Variants in BMP7 observed in about 807,000 individuals in gnomAD.
The protein encoded by BMP7 is osteogenic protein 1.
In BMP7, 12 loss-of-function variants were observed where a neutral mutation model predicts 41.2. The observed-to-expected ratio is 0.29, with a 90% CI of 0.19 to 0.47. BMP7 has a LOEUF of 0.47. Among genes scored for constraint, BMP7 ranks in the 20% least tolerant of loss-of-function variants. BMP7 has a pLI of 0.99. For missense variants in BMP7, 467 were observed against 606.0 expected (o/e 0.77, Z 2.41); for synonymous variants, 248 against 250.0 (o/e 0.99, Z 0.07).
At position 57,213,922 on chromosome 20, in the gene BMP7, G is replaced by A. The variant is rs866921768; in HGVS notation, c.612-11299C>T. Among the ~76,000 whole-genome samples, 3 of 152,214 alleles carry A rather than the reference G, an allele frequency of 2.0e-5. No homozygotes were observed. Among genetic ancestry groups the A allele is most frequent in the Non-Finnish European group, 2.9e-5 (2 of 68,038 alleles). ...GGAAAGATATGCTCAAGATGCCAGCGCAAAGCCAGAGACTCAAGGTTCGCA... is the reference window on the plus strand; with the variant it reads ...GGAAAGATATGCTCAAGATGCCAGCACAAAGCCAGAGACTCAAGGTTCGCA... On this transcript the variant is annotated intron_variant, in intron 2 of 6. Coordinates refer to ENST00000395863, the MANE Select transcript of BMP7 (RefSeq NM_001719.3). This position sits in a 1 kb window ranked among gnomAD's most constrained non-coding sequence, Gnocchi z 4.4.
intron 1 of BMP7, among the ~76,000 whole-genome samples, chr20:57,257,778 A>T (rs1217609220): frequency 1.5e-4 from 23 of 151,898 alleles, no homozygotes; most frequent in Non-Finnish European, 2.5e-4. Context: ...CTGTCTGAAA[A>T]AAAACAGGAA....
In BMP7 at chr20:57,259,997, T is replaced by A. The variant is rs766576324; in HGVS notation, c.418+5708A>T. On this transcript the variant is annotated intron_variant, in intron 1 of 6. Transcript: ENST00000395863. The surrounding 1 kb of genome is among the most constrained non-coding windows in gnomAD (Gnocchi z 4.7). Reference sequence around the variant, plus strand: ...AATCCCAGCTTGAACACACAGCTAATACCAAACGGCTCACTAATAGCCGCG... The same window carrying A: ...AATCCCAGCTTGAACACACAGCTAAAACCAAACGGCTCACTAATAGCCGCG... Among the ~76,000 whole-genome samples, 32 of 152,146 alleles carry A rather than the reference T, an allele frequency of 2.1e-4. No homozygotes were observed. Among genetic ancestry groups the A allele is most frequent in the Non-Finnish European group, 4.0e-4 (27 of 68,026 alleles).
At chr20:57,177,767 G>A (rs1456201232) in intron 4 of BMP7, 2 of 152,174 alleles carry the variant, frequency 1.3e-5, no homozygotes, top group Admixed American at 6.5e-5. Flanking sequence ...TGAGACTTTC[G>A]GTGAAGTGAA....
intron 3 of BMP7, among the ~76,000 whole-genome samples, chr20:57,194,892 G>A (rs1213523928): frequency 6.6e-6 from 1 of 152,218 alleles, no homozygotes; most frequent in African/African-American, 2.4e-5. Context: ...CTGCCAATGA[G>A]TCCAGGCGAT....
intron 2 of BMP7, among the ~76,000 whole-genome samples, chr20:57,218,858 G>T (rs1408387111): frequency 6.6e-6 from 1 of 150,742 alleles, no homozygotes; most frequent in Non-Finnish European, 1.5e-5. Context: ...TGTGTTTGCT[G>T]GTAGCTGGTG....
intron 2 of BMP7, among the ~76,000 whole-genome samples, chr20:57,210,103 G>A (rs1302562898): frequency 2.0e-5 from 3 of 152,160 alleles, no homozygotes; most frequent in African/African-American, 7.2e-5. Flanking sequence ...GAAACAGCAA[G>A]ACCCCAAAAG....
At chr20:57,226,669 A>T (rs901895725) in intron 2 of BMP7, among the ~76,000 whole-genome samples, 1 of 152,174 alleles carries the variant, frequency 6.6e-6, no homozygotes, top group African/African-American at 2.4e-5. Context: ...TCCACAGGTG[A>T]AAACAGCAAC....
intron 2 of BMP7, among the ~76,000 whole-genome samples, chr20:57,221,612 A>G (rs1231926917): frequency 6.6e-6 from 1 of 152,116 alleles, no homozygotes; most frequent in Non-Finnish European, 1.5e-5. Flanking sequence ...CAAGAGTTTG[A>G]GATCAGCCTG....
chr20:57,222,162 C>T (rs1174301867), intron 2 of BMP7, among the ~76,000 whole-genome samples: 1 of 152,180 alleles, frequency 6.6e-6, no homozygotes, highest in East Asian at 1.9e-4. Flanking sequence ...TGTGGGCAAC[C>T]TGCTGAGCCC....
intron 3 of BMP7, among the ~76,000 whole-genome samples, chr20:57,198,109 GCTCTC>G (rs1984542266): frequency 1.0e-5 from 1 of 100,278 alleles, no homozygotes; most frequent in African/African-American, 4.0e-5. Context: ...CTCTCCTCTT[GCTCTC>G]CTCTCCTCTC....
chr20:57,241,839 T>C (rs947870003), intron 1 of BMP7, among the ~76,000 whole-genome samples: 2 of 152,116 alleles, frequency 1.3e-5, no homozygotes, highest in African/African-American at 4.8e-5. Context: ...AATGTTATCA[T>C]TGTGAATTGA....
At chr20:57,176,722 G>A (rs1983929563) in intron 4 of BMP7, among the ~76,000 whole-genome samples, 1 of 144,972 alleles carries the variant, frequency 6.9e-6, no homozygotes, top group Non-Finnish European at 1.5e-5. Context: ...ACTTGTTAGG[G>A]AAATTTGAAA....
intron 2 of BMP7, among the ~76,000 whole-genome samples, chr20:57,218,646 T>C (rs540382640): frequency 1.9e-4 from 29 of 150,968 alleles, no homozygotes; most frequent in African/African-American, 7.1e-4. Flanking sequence ...TGGTAGCTGG[T>C]GTTTGTTCGG....
At chr20:57,220,698 C>T (rs921967197) in intron 2 of BMP7, among the ~76,000 whole-genome samples, 1 of 152,158 alleles carries the variant, frequency 6.6e-6, no homozygotes, top group Non-Finnish European at 1.5e-5. Flanking sequence ...CCCACTGGCA[C>T]ACAGCTGTAA....
chr20:57,178,431 T>G (rs1172400631), intron 4 of BMP7, among the ~76,000 whole-genome samples: 1 of 151,990 alleles, frequency 6.6e-6, no homozygotes, highest in Non-Finnish European at 1.5e-5. Context: ...CAGAGGCCCC[T>G]GGTCCCCACC....
At chr20:57,262,936 C>T (rs2066159682) in intron 1 of BMP7, among the ~76,000 whole-genome samples, 1 of 152,156 alleles carries the variant, frequency 6.6e-6, no homozygotes, top group Admixed American at 6.5e-5. Context: ...CACCTCCCCC[C>T]AACCCTCTCC....
intron 2 of BMP7, among the ~76,000 whole-genome samples, chr20:57,227,027 G>A (rs111556927): frequency 0.016 from 2,418 of 152,062 alleles, 51 homozygotes; most frequent in African/African-American, 0.055. Flanking sequence ...GGGTTTCACC[G>A]TGTTGGCCAG....
chr20:57,183,077 A>C (rs1984121657), intron 4 of BMP7, among the ~76,000 whole-genome samples: 1 of 152,190 alleles, frequency 6.6e-6, no homozygotes, highest in South Asian at 2.1e-4. Context: ...TCTACTAAAA[A>C]TACAAAAATT....
chr20:57,173,629 C>A (rs1600726313), intron 5 of BMP7: 3 of 458,818 alleles, frequency 6.5e-6, no homozygotes, highest in Middle Eastern at 6.0e-4. Context: ...CAGAGCAAGA[C>A]CCCATTTCTA....
Sources: gnomAD v4.1 joint callset for allele counts (sites outside exome capture counted in the v4.1 genomes callset) on GRCh38, gnomAD v4.1.1 for gene constraint, Gnocchi (gnomAD v3.1) non-coding constraint, MANE v1.5 for transcripts, NCBI Gene and HGNC (gene_info 2026-07-23, HGNC 2026-07-21) for gene names.